The following ATP6V1E2 variants were observed in gnomAD, a reference collection of about 807,000 sequenced individuals.
ATP6V1E2 encodes the protein V-type proton ATPase subunit E 2.
For synonymous variants in ATP6V1E2, 121 were observed against 104.2 expected, an observed-to-expected ratio of 1.16 and a Z score of -0.98; for missense variants, 308 against 273.3, an observed-to-expected ratio of 1.13 and a Z score of -0.90.
intron 4 of ATP6V1E2, among the ~76,000 whole-genome samples, chr2:46,529,536 C>T (rs980528145): frequency 1.3e-5 from 2 of 152,168 alleles, no homozygotes; most frequent in African/African-American, 4.8e-5. Flanking sequence ...AGGAGGATTG[C>T]TTGAGGCCAG....
intron 4 of ATP6V1E2, among the ~76,000 whole-genome samples, chr2:46,513,520 G>A (rs1053475360): frequency 9.2e-5 from 14 of 152,094 alleles, no homozygotes; most frequent in Non-Finnish European, 1.8e-4. Context: ...TCACTTCCCC[G>A]AAGCTTTTAT....
At chr2:46,531,171 C>T (rs1667165290) in intron 4 of ATP6V1E2, among the ~76,000 whole-genome samples, 1 of 152,192 alleles carries the variant, frequency 6.6e-6, no homozygotes, top group Non-Finnish European at 1.5e-5. Context: ...AGCAGTTGCT[C>T]CTCATTTTCC....
At chr2:46,533,218 GAT>G (rs1667273326) in intron 4 of ATP6V1E2, among the ~76,000 whole-genome samples, 1 of 94,582 alleles carries the variant, frequency 1.1e-5, no homozygotes. Context: ...TAGATAGATA[GAT>G]AGATAGATAG....
intron 4 of ATP6V1E2, among the ~76,000 whole-genome samples, chr2:46,533,083 ATATCTAACATTATATATC>A (rs1667258938): frequency 1.2e-5 from 1 of 84,328 alleles, no homozygotes; most frequent in Non-Finnish European, 2.8e-5. Context: ...TTATATATAT[ATATCTAACATTATATATC>A]TAACATTATA....
At chr2:46,532,613 C>G (rs1186913034) in intron 4 of ATP6V1E2, among the ~76,000 whole-genome samples, 1 of 152,104 alleles carries the variant, frequency 6.6e-6, no homozygotes, top group Non-Finnish European at 1.5e-5. Flanking sequence ...GATTAGTGCC[C>G]TTATAAAAGG....
In ATP6V1E2 at chr2:46,512,315, T is replaced by C. The variant is rs756321308; in HGVS notation, c.397A>G (p.Ile133Val). The C allele has an allele frequency of 6.8e-6, 11 of 1,612,392 alleles. No individual in the cohort carries two copies. The South Asian group carries it at 1.2e-4, about 18-fold the overall frequency. Residue 133 changes from isoleucine (I) to valine (V), a missense_variant, in exon 5 of 5, where the codon ATT (isoleucine) becomes GTT (valine). Coordinates refer to ENST00000522587, the MANE Select transcript of ATP6V1E2 (RefSeq NM_001318063.2). Reference protein sequence around the residue: ...GLLRLLEPVMIVRCRPQDLLL... With the variant: ...GLLRLLEPVMVVRCRPQDLLL... Reference sequence around the variant, plus strand: ...AGGTCTTGTGGCCGGCAGCGTACAATCATCACAGGTTCCAGCAGTCGGAGC... The same window carrying C: ...AGGTCTTGTGGCCGGCAGCGTACAACCATCACAGGTTCCAGCAGTCGGAGC...
chr2:46,536,907 C>T (rs549373070), intron 2 of ATP6V1E2, among the ~76,000 whole-genome samples: 3 of 152,106 alleles, frequency 2.0e-5, no homozygotes, highest in South Asian at 2.1e-4. Context: ...CTCAGCCTCC[C>T]GAGTAGCTGG....
At chr2:46,539,999 G>A in intron 2 of ATP6V1E2, among the ~76,000 whole-genome samples, 1 of 152,102 alleles carries the variant, frequency 6.6e-6, no homozygotes, top group East Asian at 1.9e-4. Flanking sequence ...CCAGCTCTTT[G>A]TCCCCAGCCC....
At chr2:46,519,729 G>T (rs188995976) in intron 4 of ATP6V1E2, 15 of 152,266 alleles carry the variant, frequency 9.9e-5, no homozygotes, top group Admixed American at 8.5e-4. Context: ...ACAATGTTAG[G>T]CATGGTTAAT....
chr2:46,520,799 G>C (rs962561019), intron 4 of ATP6V1E2, among the ~76,000 whole-genome samples: 5 of 152,118 alleles, frequency 3.3e-5, no homozygotes, highest in African/African-American at 9.7e-5. Flanking sequence ...GGTGCAGATA[G>C]GTGTTCATTT....
intron 4 of ATP6V1E2, among the ~76,000 whole-genome samples, chr2:46,524,164 T>C (rs965635758): frequency 1.3e-5 from 2 of 151,384 alleles, no homozygotes; most frequent in Admixed American, 6.6e-5. Flanking sequence ...TATAAAATCA[T>C]GTCGTCTGCA....
intron 2 of ATP6V1E2, among the ~76,000 whole-genome samples, chr2:46,539,107 A>C (rs1004588412): frequency 9.0e-5 from 13 of 144,134 alleles, no homozygotes; most frequent in African/African-American, 3.4e-4. Context: ...AGATTACATT[A>C]TAAAAACATT....
intron 4 of ATP6V1E2, among the ~76,000 whole-genome samples, chr2:46,532,700 C>T (rs554254971): frequency 6.6e-6 from 1 of 152,256 alleles, no homozygotes; most frequent in South Asian, 2.1e-4. Context: ...TGTTCCTTTC[C>T]CTCTGGAGCA....
chr2:46,519,698 G>T (rs1462592595), intron 4 of ATP6V1E2: 1 of 152,210 alleles, frequency 6.6e-6, no homozygotes, highest in African/African-American at 2.4e-5. Flanking sequence ...AGGATTAAAT[G>T]AAAGAAGTGA....
chr2:46,525,476 AG>A (rs869252211), intron 4 of ATP6V1E2, among the ~76,000 whole-genome samples: 32 of 115,522 alleles, frequency 2.8e-4, no homozygotes, highest in African/African-American at 6.3e-4. Flanking sequence ...AAAAAAAAAA[AG>A]AAAAAAAAAA....
At position 46,511,870 on chromosome 2, in the gene ATP6V1E2, A is replaced by C. The variant is rs894597657; in HGVS notation, c.*161T>G. The C allele has an allele frequency of 2.4e-5, 15 of 620,266 alleles. No individual in the cohort carries two copies. Among genetic ancestry groups the C allele is most frequent in the Admixed American group, 7.3e-5 (2 of 27,396 alleles). The allele number at this position is 620,266 out of a possible 1,614,324, so 38.4% of individuals were successfully genotyped here. On this transcript the variant is annotated 3_prime_UTR_variant, in exon 5 of 5. Transcript: ENST00000522587. ...AATTCTGAGCATTAATTTGGGCTTT[A>C]TTTCAAAGTTAACACTTTAGCTATC... is the stretch of plus-strand genomic sequence containing the variant.
chr2:46,512,553 A>AGC lies in ATP6V1E2; in HGVS notation c.158_159insGC (p.Ile53MetfsTer13). 6.2e-7 allele frequency: 1 copy of AGC among 1,614,050 alleles called. No individual in the cohort carries two copies. The highest frequency in any genetic ancestry group is 8.5e-7 in the Non-Finnish European group (1 of 1,180,000). On this transcript the variant is annotated frameshift_variant, in exon 5 of 5. Coordinates refer to ENST00000522587, the MANE Select transcript of ATP6V1E2 (RefSeq NM_001318063.2). LOFTEE classifies it low-confidence loss of function (END_TRUNC). Reference sequence around the variant, plus strand: ...TCTCCTTTTTCTCATAATACTCCATAATCTTCAGTCGTTGGGTTTGCACGA... The same window carrying AGC: ...TCTCCTTTTTCTCATAATACTCCATAGCATCTTCAGTCGTTGGGTTTGCACGA...
chr2:46,515,544 C>A (rs1300202212), intron 4 of ATP6V1E2, among the ~76,000 whole-genome samples: 2 of 151,634 alleles, frequency 1.3e-5, no homozygotes, highest in Non-Finnish European at 2.9e-5. Flanking sequence ...ATGTTGCCAC[C>A]AGGGGTTGGG....
chr2:46,518,313 A>T (rs2346415), intron 4 of ATP6V1E2, among the ~76,000 whole-genome samples: 53,610 of 151,820 alleles, frequency 0.35, 9,730 homozygotes, highest in Middle Eastern at 0.39. Flanking sequence ...TGGAACCAGG[A>T]AATATTAACA....
Sources: gnomAD v4.1 joint callset for allele counts (sites outside exome capture counted in the v4.1 genomes callset) on GRCh38, gnomAD v4.1.1 for gene constraint, MANE v1.5 for transcripts, NCBI Gene and HGNC (gene_info 2026-07-23, HGNC 2026-07-21) for gene names.